The following ENPEP variants were observed in gnomAD, a reference collection of about 807,000 sequenced individuals.
The protein encoded by ENPEP is glutamyl aminopeptidase, also known as AP-A.
A neutral mutation model predicts 114.5 loss-of-function variants in ENPEP; 103 were observed. That is an observed-to-expected ratio of 0.90 (90% CI 0.77 to 1.06). The LOEUF (loss-of-function observed/expected upper bound fraction) is 1.06. ENPEP is among the 50% of genes least tolerant of loss of function. The probability of loss-of-function intolerance (pLI) is 0.00; values close to 1 mark genes in which losing one functional copy is unlikely to be tolerated. For missense variants in ENPEP, 1,196 were observed against 1,161.3 expected (o/e 1.03, Z -0.43); for synonymous variants, 420 against 422.0 (o/e 1.00, Z 0.06).
At chr4:110,557,917 C>T (rs1342676023) in intron 18 of ENPEP, among the ~76,000 whole-genome samples, 5 of 151,906 alleles carry the variant, frequency 3.3e-5, no homozygotes, top group African/African-American at 1.2e-4. Flanking sequence ...CATATTTCTC[C>T]CTGTTACCAA....
chr4:110,524,117 GTAA>G (rs1726107171), intron 10 of ENPEP, among the ~76,000 whole-genome samples: 1 of 151,968 alleles, frequency 6.6e-6, no homozygotes, highest in African/African-American at 2.4e-5. Context: ...GGAAGAGAAA[GTAA>G]TATATATATA....
intron 10 of ENPEP, among the ~76,000 whole-genome samples, chr4:110,527,860 T>G (rs1726256582): frequency 6.6e-6 from 1 of 152,224 alleles, no homozygotes; most frequent in South Asian, 2.1e-4. Context: ...GTCAACAATT[T>G]AAGCCAAAGA....
chr4:110,557,004 C>G (rs1250415677), intron 18 of ENPEP, among the ~76,000 whole-genome samples: 1 of 151,826 alleles, frequency 6.6e-6, no homozygotes, highest in Admixed American at 6.6e-5. Context: ...CTTTATTATA[C>G]GTAAATTATT....
intron 18 of ENPEP, among the ~76,000 whole-genome samples, chr4:110,557,301 G>A (rs1471775172): frequency 6.6e-6 from 1 of 152,184 alleles, no homozygotes; most frequent in Non-Finnish European, 1.5e-5. Context: ...GGCTGAAGTC[G>A]AGTGAAGAAA....
intron 10 of ENPEP, among the ~76,000 whole-genome samples, chr4:110,526,742 AG>A (rs572641650): frequency 6.6e-6 from 1 of 152,070 alleles, no homozygotes; most frequent in Admixed American, 6.6e-5. Flanking sequence ...GTTGGGGAGG[AG>A]TGGAGGCAGG....
At chr4:110,534,593 C>T (rs1319371683) in intron 11 of ENPEP, among the ~76,000 whole-genome samples, 2 of 145,714 alleles carry the variant, frequency 1.4e-5, no homozygotes, top group African/African-American at 5.1e-5. Context: ...TTGCAACGTC[C>T]GCCCCCTGGG....
chr4:110,543,055 C>T lies in ENPEP; in HGVS notation c.1985C>T (p.Ala662Val). The T allele has an allele frequency of 6.2e-7, 1 of 1,613,098 alleles. No individual in the cohort carries two copies. Among genetic ancestry groups the T allele is most frequent in the South Asian group, 1.1e-5 (1 of 91,038 alleles). ...SADRASLIDD[A>V]FALARAQLLD... ...GATCGTGCAAGTCTTATTGATGATG[C>T]TTTTGCCTTGGCAAGGTGCGTTTTA... Residue 662 changes from alanine (A) to valine (V), a missense_variant, in exon 13 of 20, where the codon GCT becomes GTT. Ala to Val is a moderately conservative substitution (Grantham distance 64, BLOSUM62 0). Coordinates refer to ENST00000265162, the MANE Select transcript of ENPEP (RefSeq NM_001977.4).
Position 110,515,445 on chromosome 4 carries a change from A to G in ENPEP, c.1509+3A>G. 1 of 1,591,202 alleles carries G rather than the reference A, an allele frequency of 6.3e-7. No individual in the cohort carries two copies. The highest frequency in any genetic ancestry group is 1.2e-5 in the South Asian group (1 of 86,644). On this transcript the variant is annotated splice_donor_region_variant and intron_variant, in intron 8 of 19. Coordinates refer to ENST00000265162, the MANE Select transcript of ENPEP (RefSeq NM_001977.4). ...AGAATTTTCAAAAAGGATGTCAGGT[A>G]TGATTTATTACTTTTAGTGATATCA...
Position 110,476,815 on chromosome 4 carries a change from T to C in ENPEP, c.401T>C (p.Leu134Pro), listed in dbSNP as rs1356234732. 6.2e-7 allele frequency: 1 copy of C among 1,614,004 alleles called. No homozygotes were observed. The highest frequency in any genetic ancestry group is 1.3e-5 in the African/African-American group (1 of 74,928). ...NLSAPTRYLW[L>P]HLRETRITRL... is the part of the protein sequence containing the mutation. ...AGCGCTCCCACCCGGTACCTGTGGC[T>C]GCACCTCCGGGAGACCAGGATCACC... The change falls in exon 1 of 20, where the codon CTG becomes CCG. Residue 134 changes from leucine to proline, a missense_variant. Transcript: ENST00000265162.
At chr4:110,548,473 C>G in intron 14 of ENPEP, 147 bp downstream of exon 14, 1 of 557,990 alleles carries the variant, frequency 1.8e-6, no homozygotes, top group Non-Finnish European at 2.8e-6. Context: ...CTTGACTAAT[C>G]AAAGCAAAGC....
In ENPEP at chr4:110,476,729, C is replaced by T. The variant is rs1242332621; in HGVS notation, c.315C>T (p.His105=). The part of the protein sequence containing the change: ...DFVNPVHYDL[H]VKPLLEEDTY... ...TCAACCCAGTCCACTACGACCTGCA[C>T]GTGAAGCCCCTGTTGGAGGAGGACA... The change falls in exon 1 of 20, where the codon CAC becomes CAT. Residue 105 remains histidine, a synonymous_variant. Coordinates refer to ENST00000265162, the MANE Select transcript of ENPEP (RefSeq NM_001977.4). 3.1e-6 allele frequency: 5 copies of T among 1,614,076 alleles called. No individual in the cohort carries two copies. Among genetic ancestry groups the T allele is most frequent in the Admixed American group, 1.7e-5 (1 of 60,028 alleles).
chr4:110,531,998 A>C (rs893942351), intron 11 of ENPEP, among the ~76,000 whole-genome samples: 1 of 152,186 alleles, frequency 6.6e-6, no homozygotes, highest in Non-Finnish European at 1.5e-5. Flanking sequence ...ATAAAAGTAG[A>C]TCACTCATTC....
chr4:110,563,802 T>A lies in ENPEP; in HGVS notation c.*2244T>A, dbSNP rs1462302511. ...TCCAGATCATTGCTATGTACCCACA[T>A]AATTATAAATTAGGAGTTTAAATAA... On this transcript the variant is annotated 3_prime_UTR_variant, in exon 20 of 20. Coordinates refer to ENST00000265162, the MANE Select transcript of ENPEP (RefSeq NM_001977.4). The A allele has an allele frequency of 6.6e-6, 1 of 152,196 alleles. No individual in the cohort carries two copies. Among genetic ancestry groups the A allele is most frequent in the Non-Finnish European group, 1.5e-5 (1 of 68,032 alleles). 9.4% of individuals were successfully genotyped at this position (152,196 alleles called of 1,614,324 possible).
At chr4:110,518,810 A>G (rs1328083750) in intron 8 of ENPEP, among the ~76,000 whole-genome samples, 2 of 152,116 alleles carry the variant, frequency 1.3e-5, no homozygotes, top group Non-Finnish European at 2.9e-5. Context: ...TTCCAGTTCC[A>G]CGATTGCATG....
At chr4:110,534,524 T>TTTG (rs5861010) in intron 11 of ENPEP, among the ~76,000 whole-genome samples, 2 of 147,182 alleles carry the variant, frequency 1.4e-5, no homozygotes, top group Non-Finnish European at 1.5e-5. Context: ...TTTTTTTTTT[T>TTTG]GGGACAGAGT....
rs555617345 is a variant in ENPEP at position 110,520,767 on chromosome 4, T to A, written c.1727+401T>A. Among the ~76,000 whole-genome samples the A allele has an allele frequency of 8.5e-5, 13 of 152,152 alleles. No individual in the cohort carries two copies. The South Asian group carries it at 2.7e-3, about 32-fold the overall frequency. On this transcript the variant is annotated intron_variant, in intron 10 of 19. Coordinates refer to ENST00000265162, the MANE Select transcript of ENPEP (RefSeq NM_001977.4). Reference sequence around the variant, plus strand: ...ATCCCTAGACAGGTTCTAGGTACAGTGTTAGCATGAAGACTGAAGGGTAAG... The same window carrying A: ...ATCCCTAGACAGGTTCTAGGTACAGAGTTAGCATGAAGACTGAAGGGTAAG...
chr4:110,554,661 G>A (rs1186603193), intron 18 of ENPEP, among the ~76,000 whole-genome samples: 1 of 151,968 alleles, frequency 6.6e-6, no homozygotes, highest in East Asian at 1.9e-4. Context: ...TTATCTAGAT[G>A]TAACAGTTTA....
At chr4:110,481,425 C>T (rs1169323791) in intron 1 of ENPEP, among the ~76,000 whole-genome samples, 1 of 152,028 alleles carries the variant, frequency 6.6e-6, no homozygotes, top group Non-Finnish European at 1.5e-5. Context: ...TTTCCCAACT[C>T]TCTGTGACTA....
At chr4:110,509,180 T>C (rs1442438383) in intron 4 of ENPEP, among the ~76,000 whole-genome samples, 1 of 152,230 alleles carries the variant, frequency 6.6e-6, no homozygotes, top group Non-Finnish European at 1.5e-5. Context: ...AGCTATTAGA[T>C]TGGTATTTCT....
Sources: gnomAD v4.1 joint callset for allele counts (sites outside exome capture counted in the v4.1 genomes callset) on GRCh38, gnomAD v4.1.1 for gene constraint, MANE v1.5 for transcripts, NCBI Gene and HGNC (gene_info 2026-07-23, HGNC 2026-07-21) for gene names.